Variants in PICALM observed in about 807,000 individuals in gnomAD.
The protein encoded by PICALM is phosphatidylinositol binding clathrin assembly protein.
A neutral mutation model predicts 80.5 loss-of-function variants in PICALM; 40 were observed. The ratio of observed to expected loss-of-function variants is 0.50; its 90% CI spans 0.39 to 0.65. The LOEUF (loss-of-function observed/expected upper bound fraction) is 0.65. Among genes scored for constraint, PICALM ranks in the 30% least tolerant of loss-of-function variants. The pLI is 0.00. For synonymous variants in PICALM, 288 were observed against 260.3 expected (o/e 1.11, Z -1.02); for missense variants, 676 against 778.9 (o/e 0.87, Z 1.57).
At chr11:85,984,294 C>A (rs2094520160) in intron 13 of PICALM, among the ~76,000 whole-genome samples, 1 of 152,098 alleles carries the variant, frequency 6.6e-6, no homozygotes, top group Non-Finnish European at 1.5e-5. Context: ...TCTAAAATTA[C>A]AAGATTTTGC....
chr11:85,961,878 T>TTTAC (rs2093700810), intron 19 of PICALM, among the ~76,000 whole-genome samples: 1 of 151,922 alleles, frequency 6.6e-6, no homozygotes, highest in South Asian at 2.1e-4. Context: ...TATTTATTTA[T>TTTAC]TTATTTATTT....
chr11:86,049,287 A>G (rs898163718), intron 1 of PICALM, among the ~76,000 whole-genome samples: 4 of 152,044 alleles, frequency 2.6e-5, no homozygotes, highest in African/African-American at 9.7e-5. Flanking sequence ...TCTCAAAAAA[A>G]CAAACAAAAA....
intron 1 of PICALM, among the ~76,000 whole-genome samples, chr11:86,038,816 T>C (rs2509606): frequency 0.28 from 41,471 of 150,540 alleles, 5,884 homozygotes; most frequent in African/African-American, 0.33. Flanking sequence ...TATCTTAACG[T>C]TTAAAAATAA....
At chr11:85,960,864 G>A (rs2093665233) in intron 19 of PICALM, 2 of 515,864 alleles carry the variant, frequency 3.9e-6, no homozygotes, top group South Asian at 2.2e-5. Context: ...GAAAGAAGAA[G>A]TGGTTTTGGT....
Position 85,981,905 on chromosome 11 carries a change from C to T in PICALM, c.1615G>A (p.Asp539Asn). Reference protein sequence around the residue: ...KLPPSKLVSDDLDSSLANLVG... With the variant: ...KLPPSKLVSDNLDSSLANLVG... ...AGGTTGGCTAAAGATGAATCCAAGTCATCAGATACTAACTTGCTAGGTGGG... is the reference window on the plus strand; with the variant it reads ...AGGTTGGCTAAAGATGAATCCAAGTTATCAGATACTAACTTGCTAGGTGGG... Residue 539 changes from aspartate to asparagine, a missense_variant, in exon 15 of 20, where the codon GAC (aspartate) becomes AAC (asparagine). By Grantham distance (23) the Asp-to-Asn change is conservative (BLOSUM62 1). Coordinates refer to ENST00000393346, the MANE Select transcript of PICALM (RefSeq NM_007166.4). 1 of 1,613,574 alleles carries T rather than the reference C, an allele frequency of 6.2e-7. No homozygotes were observed. The highest frequency in any genetic ancestry group is 8.5e-7 in the Non-Finnish European group (1 of 1,179,524).
chr11:86,031,193 A>C (rs1951257634), intron 2 of PICALM, among the ~76,000 whole-genome samples: 1 of 152,222 alleles, frequency 6.6e-6, no homozygotes, highest in Admixed American at 6.5e-5. Context: ...ATAGTCTATA[A>C]ACAGGACCAG....
chr11:86,043,977 C>T (rs2096021112), intron 1 of PICALM, among the ~76,000 whole-genome samples: 1 of 152,184 alleles, frequency 6.6e-6, no homozygotes, highest in Non-Finnish European at 1.5e-5. Flanking sequence ...TTATATTCCA[C>T]TTTCATGAAG....
At chr11:85,988,602 G>C (rs1213443278) in intron 13 of PICALM, among the ~76,000 whole-genome samples, 1 of 151,976 alleles carries the variant, frequency 6.6e-6, no homozygotes, top group South Asian at 2.1e-4. Context: ...GTAAGGAAAG[G>C]GAGAAAAAGA....
intron 13 of PICALM, among the ~76,000 whole-genome samples, chr11:85,985,419 A>G (rs1053078408): frequency 4.6e-5 from 7 of 152,180 alleles, no homozygotes; most frequent in Non-Finnish European, 5.9e-5. Context: ...TGTAGCGCAC[A>G]CATTTTTAGA....
intron 1 of PICALM, among the ~76,000 whole-genome samples, chr11:86,035,383 C>A (rs1048410863): frequency 1.3e-5 from 2 of 152,182 alleles, no homozygotes; most frequent in Non-Finnish European, 2.9e-5. Flanking sequence ...GCAGAGTTCT[C>A]AAGTTCCCAT....
At chr11:86,008,691 C>A (rs1277976180) in intron 7 of PICALM, among the ~76,000 whole-genome samples, 1 of 152,030 alleles carries the variant, frequency 6.6e-6, no homozygotes, top group Non-Finnish European at 1.5e-5. Context: ...ATATATTTGT[C>A]CTCCTCAAAC....
At chr11:86,037,588 G>A (rs1302136088) in intron 1 of PICALM, among the ~76,000 whole-genome samples, 2 of 150,282 alleles carry the variant, frequency 1.3e-5, no homozygotes, top group Non-Finnish European at 3.0e-5. Context: ...ATTACTGCTT[G>A]TAGTGGAGGT....
chr11:85,976,888 A>T, intron 17 of PICALM: 1 of 466,692 alleles, frequency 2.1e-6, no homozygotes, highest in Non-Finnish European at 3.9e-6. Flanking sequence ...TATTAGAAGG[A>T]TAACTATACC....
intron 1 of PICALM, 37 bp from the exon 2 acceptor site, chr11:86,031,648 G>A (rs755468153): frequency 2.7e-5 from 41 of 1,512,994 alleles, no homozygotes; most frequent in Admixed American, 5.5e-5. Flanking sequence ...AATTTCCTCT[G>A]TGGTTTTAAT....
At chr11:86,010,903 C>T (rs1322084664) in intron 7 of PICALM, 127 bp downstream of exon 7, 3 of 616,494 alleles carry the variant, frequency 4.9e-6, no homozygotes, top group East Asian at 6.1e-5. Context: ...GAATTCAATA[C>T]AGCATAATAA....
intron 19 of PICALM, 110 bp from the exon 20 acceptor site, chr11:85,959,170 A>G (rs1205377152): frequency 1.6e-6 from 1 of 620,938 alleles, no homozygotes; most frequent in East Asian, 2.7e-5. Flanking sequence ...TGTTCACAAC[A>G]TGCTTATCAC....
chr11:86,038,878 G>C (rs879580722), intron 1 of PICALM, among the ~76,000 whole-genome samples: 37 of 152,132 alleles, frequency 2.4e-4, no homozygotes, highest in Middle Eastern at 3.4e-3. Flanking sequence ...TGGGGGTCAA[G>C]GAGAACGGAT....
intron 1 of PICALM, among the ~76,000 whole-genome samples, chr11:86,055,395 T>A (rs1013968590): frequency 1.4e-4 from 21 of 152,144 alleles, no homozygotes; most frequent in Admixed American, 3.9e-4. Context: ...AAACAACTTA[T>A]TGATAGTCAT....
At chr11:85,985,463 GTA>G (rs2094548218) in intron 13 of PICALM, among the ~76,000 whole-genome samples, 1 of 152,036 alleles carries the variant, frequency 6.6e-6, no homozygotes, top group Non-Finnish European at 1.5e-5. Flanking sequence ...CCATAATCAC[GTA>G]ACCCTTAAAC....
Sources: gnomAD v4.1 joint callset for allele counts (sites outside exome capture counted in the v4.1 genomes callset) on GRCh38, gnomAD v4.1.1 for gene constraint, MANE v1.5 for transcripts, NCBI Gene and HGNC (gene_info 2026-07-23, HGNC 2026-07-21) for gene names.